The following CCSER1 variants were observed in gnomAD, a reference collection of about 807,000 sequenced individuals.
The protein encoded by CCSER1 is serine-rich coiled-coil domain-containing protein 1.
A neutral mutation model predicts 82.0 loss-of-function variants in CCSER1; 41 were observed. That is an observed-to-expected ratio of 0.50 (90% CI 0.39 to 0.65). The LOEUF (loss-of-function observed/expected upper bound fraction) is 0.65. Ranked by LOEUF, CCSER1 falls within the 30% of genes least tolerant of loss-of-function variation. The probability of loss-of-function intolerance (pLI) is 0.00; values close to 1 mark genes in which losing one functional copy is unlikely to be tolerated. For synonymous variants in CCSER1, 414 were observed against 383.9 expected, an observed-to-expected ratio of 1.08 and a Z score of -0.92; for missense variants, 1,119 against 1,064.2, an observed-to-expected ratio of 1.05 and a Z score of -0.72.
chr4:90,201,247 A>G (rs7681376), intron 1 of CCSER1, among the ~76,000 whole-genome samples: 84,787 of 152,014 alleles, frequency 0.56, 24,345 homozygotes, highest in African/African-American at 0.69. Context: ...GGTGCAATAA[A>G]TCAGCGTATT....
In CCSER1 at chr4:90,345,786, C is replaced by T. The variant is rs59707259; in HGVS notation, c.1509+32739C>T. 1.5e-3 allele frequency among the ~76,000 whole-genome samples: 224 copies of T among 152,194 alleles called. 7 individuals are homozygous for T. In the East Asian group the frequency reaches 0.042, roughly 28 times the overall value. ...CCTCCTATAAGATCTCCACATCTCT[C>T]TATCTTCTAAACCATATTTTAGAGT... On this transcript the variant is annotated intron_variant, in intron 3 of 10. Transcript: ENST00000509176.
chr4:91,468,390 T>C (rs922569007), intron 10 of CCSER1, among the ~76,000 whole-genome samples: 11 of 152,046 alleles, frequency 7.2e-5, no homozygotes, highest in African/African-American at 2.7e-4. Flanking sequence ...CATTAGGAGA[T>C]ATACCTAATA....
At position 91,602,645 on chromosome 4, in the gene CCSER1, G is replaced by C. The variant is rs1384584997; in HGVS notation, c.*3588G>C. Among the ~76,000 whole-genome samples, 1 of 151,848 alleles carries C rather than the reference G, an allele frequency of 6.6e-6. No homozygotes were observed. Among genetic ancestry groups the C allele is most frequent in the East Asian group, 1.9e-4 (1 of 5,180 alleles). The stretch of plus-strand genomic sequence containing the variant: ...AATTTTTACTACTTTTTCACTTTCA[G>C]AACTTAACATTCTAAACAGCTATAG... On this transcript the variant is annotated 3_prime_UTR_variant, in exon 11 of 11. Transcript: ENST00000509176.
intron 5 of CCSER1, among the ~76,000 whole-genome samples, chr4:90,481,296 T>C: frequency 6.6e-6 from 1 of 152,204 alleles, no homozygotes. Context: ...TTTCTAGATA[T>C]ACAATCATGT....
At chr4:91,343,218 G>T (rs953685030) in intron 10 of CCSER1, among the ~76,000 whole-genome samples, 4 of 151,912 alleles carry the variant, frequency 2.6e-5, no homozygotes, top group African/African-American at 9.7e-5. Flanking sequence ...GAATCTGGAA[G>T]AACACTTGGT....
intron 1 of CCSER1, among the ~76,000 whole-genome samples, chr4:90,171,058 A>G (rs1731566440): frequency 6.6e-6 from 1 of 151,776 alleles, no homozygotes; most frequent in African/African-American, 2.4e-5. Context: ...AATTGCCTCT[A>G]TTGTGACTTT....
intron 1 of CCSER1, among the ~76,000 whole-genome samples, chr4:90,207,811 C>T (rs553188633): frequency 2.0e-5 from 3 of 152,162 alleles, no homozygotes; most frequent in Non-Finnish European, 2.9e-5. Context: ...TGTTTGCCTG[C>T]GTATCAACAG....
intron 10 of CCSER1, among the ~76,000 whole-genome samples, chr4:91,314,162 A>G (rs1745676301): frequency 6.6e-6 from 1 of 151,972 alleles, no homozygotes; most frequent in South Asian, 2.1e-4. Flanking sequence ...ATACCCAGTT[A>G]TGAAAACAAG....
At chr4:90,730,839 A>G (rs1300744160) in intron 7 of CCSER1, among the ~76,000 whole-genome samples, 5 of 152,216 alleles carry the variant, frequency 3.3e-5, no homozygotes, top group Admixed American at 3.3e-4. Flanking sequence ...TTGTGTTTGG[A>G]GTAGAATGAA....
At chr4:91,581,311 C>G (rs933658948) in intron 10 of CCSER1, among the ~76,000 whole-genome samples, 1 of 151,668 alleles carries the variant, frequency 6.6e-6, no homozygotes, top group African/African-American at 2.4e-5. Flanking sequence ...TTCATATACA[C>G]GTTTTTCTTG....
chr4:90,148,765 T>C (rs1378842119), intron 1 of CCSER1, among the ~76,000 whole-genome samples: 1 of 152,192 alleles, frequency 6.6e-6, no homozygotes, highest in Non-Finnish European at 1.5e-5. Flanking sequence ...TAATTAGTAC[T>C]TCTGGCTTTA....
chr4:90,199,756 T>A (rs951258841), intron 1 of CCSER1, among the ~76,000 whole-genome samples: 4 of 152,152 alleles, frequency 2.6e-5, no homozygotes, highest in Non-Finnish European at 5.9e-5. Context: ...CAATAGATTT[T>A]GTGTTTTTTT....
Position 90,780,510 on chromosome 4 carries a change from G to A in CCSER1, c.2011-35252G>A, listed in dbSNP as rs1304055315. ...TGAAGATTGGGGTTCAGGAGGCCTAGATGATCCACCATGACTTATTCAAAA... is the reference window on the plus strand; with the variant it reads ...TGAAGATTGGGGTTCAGGAGGCCTAAATGATCCACCATGACTTATTCAAAA... On this transcript the variant is annotated intron_variant, in intron 7 of 10. Coordinates refer to ENST00000509176, the MANE Select transcript of CCSER1 (RefSeq NM_001145065.2). The A allele has an allele frequency of 1.9e-6, 3 of 1,610,000 alleles. No individual in the cohort carries two copies. The South Asian group carries it at 3.3e-5, about 18-fold the overall frequency.
At chr4:90,287,115 G>A (rs887511689) in intron 1 of CCSER1, among the ~76,000 whole-genome samples, 3 of 151,604 alleles carry the variant, frequency 2.0e-5, no homozygotes, top group Admixed American at 6.6e-5. Context: ...TTTACACATA[G>A]GACTTTGCTA....
At chr4:90,848,765 G>T (rs1763502365) in intron 8 of CCSER1, among the ~76,000 whole-genome samples, 1 of 152,266 alleles carries the variant, frequency 6.6e-6, no homozygotes, top group South Asian at 2.1e-4. Flanking sequence ...ATTGAATCTT[G>T]GAGGTGGTTT....
intron 9 of CCSER1, among the ~76,000 whole-genome samples, chr4:90,985,407 C>G (rs1164837410): frequency 6.6e-6 from 1 of 150,866 alleles, no homozygotes; most frequent in East Asian, 2.0e-4. Context: ...AAATATTTGG[C>G]TAACTTTTTA....
chr4:91,139,885 G>C (rs1319926036), intron 10 of CCSER1, among the ~76,000 whole-genome samples: 1 of 152,094 alleles, frequency 6.6e-6, no homozygotes, highest in East Asian at 1.9e-4. Context: ...AGACTAGTTT[G>C]CTTTACAGCT....
chr4:91,586,222 T>C (rs536632825), intron 10 of CCSER1, among the ~76,000 whole-genome samples: 4 of 151,698 alleles, frequency 2.6e-5, no homozygotes, highest in Non-Finnish European at 5.9e-5. Flanking sequence ...TGAGTTTAGT[T>C]AGAAAAAAAT....
intron 10 of CCSER1, among the ~76,000 whole-genome samples, chr4:91,469,326 A>C (rs1051757322): frequency 3.2e-4 from 49 of 152,344 alleles, no homozygotes; most frequent in African/African-American, 1.2e-3. Flanking sequence ...TCAGTAGAAC[A>C]TAGTTTTTAA....
Sources: allele counts gnomAD v4.1 joint callset (sites outside exome capture counted in the v4.1 genomes callset), GRCh38; gene constraint gnomAD v4.1.1; transcripts MANE v1.5; gene names NCBI Gene and HGNC (gene_info 2026-07-23, HGNC 2026-07-21).